The following GRID2 variants were observed in gnomAD, a reference collection of about 807,000 sequenced individuals.
GRID2 encodes the protein glutamate ionotropic receptor delta type subunit 2.
GRID2 carries 33 observed loss-of-function variants against 114.8 expected under a neutral mutation model. The observed-to-expected ratio is 0.29, with a 90% CI of 0.22 to 0.38. The LOEUF is 0.38. Among genes scored for constraint, GRID2 ranks in the 10% least tolerant of loss-of-function variants. The pLI, the probability that GRID2 is intolerant of heterozygous loss-of-function variation, is 1.00. For missense variants in GRID2, 1,184 were observed against 1,257.7 expected (o/e 0.94, Z 0.89); for synonymous variants, 505 against 449.9 (o/e 1.12, Z -1.55).
intron 1 of GRID2, among the ~76,000 whole-genome samples, chr4:92,585,236 G>A (rs1728375191): frequency 6.6e-6 from 1 of 151,972 alleles, no homozygotes. Flanking sequence ...GTGAGAGCAT[G>A]CACAAAAGAA....
At chr4:92,507,531 G>A (rs1724038520) in intron 1 of GRID2, among the ~76,000 whole-genome samples, 1 of 151,316 alleles carries the variant, frequency 6.6e-6, no homozygotes, top group Non-Finnish European at 1.5e-5. Flanking sequence ...TAACCCCTAT[G>A]TAGTTAATTT....
At chr4:93,252,572 A>G (rs1302666964) in intron 8 of GRID2, among the ~76,000 whole-genome samples, 1 of 152,092 alleles carries the variant, frequency 6.6e-6, no homozygotes, top group Non-Finnish European at 1.5e-5. Flanking sequence ...TTCCATAAAA[A>G]TTTTAAAATA....
chr4:93,682,141 A>C (rs1725620885), intron 14 of GRID2, among the ~76,000 whole-genome samples: 1 of 151,842 alleles, frequency 6.6e-6, no homozygotes, highest in Non-Finnish European at 1.5e-5. Context: ...GACACTTCTC[A>C]AAAGAAGACA....
chr4:93,479,009 T>A (rs969455017), intron 11 of GRID2, among the ~76,000 whole-genome samples: 1 of 152,062 alleles, frequency 6.6e-6, no homozygotes, highest in African/African-American at 2.4e-5. Flanking sequence ...CCCAATAGGA[T>A]ACATAGAGGC....
chr4:93,797,599 A>G (rs1734829014), intron 1 of GRID2, among the ~76,000 whole-genome samples: 1 of 152,106 alleles, frequency 6.6e-6, no homozygotes, highest in South Asian at 2.1e-4. Flanking sequence ...TAAAATATCA[A>G]TTTGTGTTCT....
At chr4:93,361,985 T>TA (rs1761923462) in intron 8 of GRID2, among the ~76,000 whole-genome samples, 1 of 152,074 alleles carries the variant, frequency 6.6e-6, no homozygotes, top group Admixed American at 6.6e-5. Flanking sequence ...GATGCTTTCC[T>TA]TCCCCCTTCC....
At chr4:93,219,996 G>T (rs114790782) in intron 6 of GRID2, among the ~76,000 whole-genome samples, 38 of 152,142 alleles carry the variant, frequency 2.5e-4, no homozygotes, top group African/African-American at 6.7e-4. Context: ...CAGCAGGAAC[G>T]ATCAAAATAT....
intron 14 of GRID2, among the ~76,000 whole-genome samples, chr4:93,678,641 G>T (rs1725175687): frequency 6.6e-6 from 1 of 152,142 alleles, no homozygotes; most frequent in South Asian, 2.1e-4. Flanking sequence ...TTAAAGAAAA[G>T]AATTTTCAAA....
intron 1 of GRID2, among the ~76,000 whole-genome samples, chr4:92,423,259 G>A (rs1731994429): frequency 6.6e-6 from 1 of 152,146 alleles, no homozygotes; most frequent in African/African-American, 2.4e-5. Context: ...AGCAAATGGA[G>A]TTAAGGATCA....
intron 1 of GRID2, among the ~76,000 whole-genome samples, chr4:92,462,505 G>A (rs980035737): frequency 1.3e-4 from 19 of 151,756 alleles, no homozygotes; most frequent in African/African-American, 4.6e-4. Flanking sequence ...TAAAGTTAGT[G>A]TTCTCAATTT....
intron 11 of GRID2, among the ~76,000 whole-genome samples, chr4:93,481,718 A>G (rs942064992): frequency 7.2e-5 from 11 of 152,054 alleles, no homozygotes; most frequent in African/African-American, 2.4e-4. Context: ...TTTCCCATCA[A>G]TATGTGCTAC....
intron 8 of GRID2, among the ~76,000 whole-genome samples, chr4:93,360,908 T>C (rs912927555): frequency 2.6e-5 from 4 of 152,056 alleles, no homozygotes; most frequent in Non-Finnish European, 5.9e-5. Context: ...TTGTTTTTCT[T>C]TGTATTTCTA....
At chr4:92,465,124 C>T (rs750012877) in intron 1 of GRID2, among the ~76,000 whole-genome samples, 69 of 152,024 alleles carry the variant, frequency 4.5e-4, no homozygotes, top group Non-Finnish European at 9.3e-4. Flanking sequence ...TAAATCTCTT[C>T]ATAAATTACT....
chr4:93,160,269 A>G (rs1204049128), intron 4 of GRID2, among the ~76,000 whole-genome samples: 2 of 151,836 alleles, frequency 1.3e-5, no homozygotes, highest in African/African-American at 4.8e-5. Context: ...AAATTTGTAC[A>G]GTAATCAATA....
At chr4:93,651,375 C>A (rs1445844026) in intron 14 of GRID2, among the ~76,000 whole-genome samples, 2 of 152,166 alleles carry the variant, frequency 1.3e-5, no homozygotes, top group Non-Finnish European at 2.9e-5. Flanking sequence ...ATAGGAAGAG[C>A]TCCAAAAGGA....
chr4:92,957,004 T>C (rs1472519552), intron 2 of GRID2, among the ~76,000 whole-genome samples: 12 of 152,150 alleles, frequency 7.9e-5, no homozygotes, highest in Non-Finnish European at 1.6e-4. Context: ...TTTTGTTTGT[T>C]TTCTTTTTGT....
At chr4:93,033,636 C>T (rs1724646391) in intron 2 of GRID2, among the ~76,000 whole-genome samples, 1 of 152,058 alleles carries the variant, frequency 6.6e-6, no homozygotes. Flanking sequence ...CAACACAGAC[C>T]CTGAATATTA....
intron 1 of GRID2, among the ~76,000 whole-genome samples, chr4:92,349,259 C>T (rs1005006410): frequency 2.0e-5 from 3 of 151,892 alleles, no homozygotes; most frequent in African/African-American, 7.2e-5. Flanking sequence ...TTAATGACTT[C>T]CTAAGCAGAA....
At chr4:93,803,006 G>C (rs1417242086) in intron 1 of GRID2, among the ~76,000 whole-genome samples, 1 of 152,114 alleles carries the variant, frequency 6.6e-6, no homozygotes, top group Admixed American at 6.5e-5. Flanking sequence ...CTGCTCCAAT[G>C]GCCTTGTTTG....
Sources: gnomAD v4.1 joint callset for allele counts (sites outside exome capture counted in the v4.1 genomes callset) on GRCh38, gnomAD v4.1.1 for gene constraint, MANE v1.5 for transcripts, NCBI Gene and HGNC (gene_info 2026-07-23, HGNC 2026-07-21) for gene names.